DEAF1: variants seen among roughly 807,000 people sequenced by gnomAD.
The protein encoded by DEAF1 is DEAF1 transcription factor.
Under a neutral mutation model 58.9 loss-of-function variants are expected in DEAF1, and 53 were observed. That is an observed-to-expected ratio of 0.90 (90% CI 0.72 to 1.13). DEAF1 has a LOEUF of 1.13. Among genes scored for constraint, DEAF1 ranks in the 50% most tolerant of loss-of-function variants. The probability of loss-of-function intolerance (pLI) is 0.00; values close to 1 mark genes in which losing one functional copy is unlikely to be tolerated. For synonymous variants in DEAF1, 385 were observed against 340.4 expected (o/e 1.13, Z -1.44); for missense variants, 685 against 791.4 (o/e 0.87, Z 1.61).
At chr11:666,730 T>C (rs1447099440) in intron 10 of DEAF1, among the ~76,000 whole-genome samples, 1 of 151,380 alleles carries the variant, frequency 6.6e-6, no homozygotes, top group Non-Finnish European at 1.5e-5. Flanking sequence ...CAACAAAGTA[T>C]TAGCCAGGTG....
intron 1 of DEAF1, chr11:704,712 G>A (rs966314295): frequency 9.0e-6 from 11 of 1,218,568 alleles, no homozygotes; most frequent in South Asian, 3.9e-5. Flanking sequence ...CACAGGGAAC[G>A]CCATGGCTCC....
chr11:696,860 A>C (rs1861202476), upstream of DEAF1, among the ~76,000 whole-genome samples: 1 of 132,684 alleles, frequency 7.5e-6, no homozygotes, highest in Non-Finnish European at 1.6e-5. Flanking sequence ...CGGGCGGATC[A>C]CCTGAGGTCG....
intron 9 of DEAF1, among the ~76,000 whole-genome samples, chr11:675,924 CCCCCCAGCACCTGACAT>C (rs1325589795): frequency 9.3e-5 from 7 of 75,126 alleles, no homozygotes; most frequent in Non-Finnish European, 1.3e-4. Flanking sequence ...GCACCTGACA[CCCCCCAGCACCTGACAT>C]CCCCCAGCAC....
upstream of DEAF1, chr11:695,237 G>A: frequency 1.9e-6 from 1 of 528,340 alleles, no homozygotes; most frequent in Non-Finnish European, 3.0e-6. Flanking sequence ...GCGGAGCGGA[G>A]CCGAGGCGAA....
chr11:644,754 C>T lies in DEAF1; in HGVS notation c.1594-100G>A, dbSNP rs2133262537. ...CCCCAGAGGGTGCAGCCCTCTGTAA[C>T]CTCACCTGGAGGTGCTGAGAATGCC... On this transcript the variant is annotated intron_variant, in intron 11 of 11. Coordinates refer to ENST00000382409, the MANE Select transcript of DEAF1 (RefSeq NM_021008.4). This position sits in a 1 kb window ranked among gnomAD's most constrained non-coding sequence, Gnocchi z 4.3. The T allele has an allele frequency of 1.1e-6, 1 of 932,502 alleles. No homozygotes were observed. The highest frequency in any genetic ancestry group is 1.6e-5 in the African/African-American group (1 of 61,616). The allele number at this position is 932,502 out of a possible 1,614,324, so 57.8% of individuals were successfully genotyped here.
At chr11:652,089 C>T (rs1858800166) in intron 11 of DEAF1, among the ~76,000 whole-genome samples, 2 of 152,248 alleles carry the variant, frequency 1.3e-5, no homozygotes, top group Admixed American at 6.5e-5. Context: ...TAAGACCATA[C>T]GCTAGGCCCT....
chr11:654,055 CAAG>C lies in DEAF1; in HGVS notation c.1504-7_1504-5del, dbSNP rs759115752. Reference sequence around the variant, plus strand: ...GGCCGCAGTTAACGCAGGACTGCTGCAAGAAGGACACAACAGGCCAGTCAGTGA... The same window carrying C: ...GGCCGCAGTTAACGCAGGACTGCTGCAAGGACACAACAGGCCAGTCAGTGA... On this transcript the variant is annotated splice_polypyrimidine_tract_variant and splice_region_variant and intron_variant, in intron 10 of 11. Transcript: ENST00000382409. The C allele has an allele frequency of 1.8e-5, 29 of 1,612,330 alleles. No homozygotes were observed. Among genetic ancestry groups the C allele is most frequent in the South Asian group, 7.7e-5 (7 of 91,034 alleles).
intron 10 of DEAF1, among the ~76,000 whole-genome samples, chr11:669,141 T>C (rs1378819021): frequency 7.1e-6 from 1 of 141,724 alleles, no homozygotes; most frequent in Non-Finnish European, 1.6e-5. Flanking sequence ...TTTTTTTTTT[T>C]TTTTGTACAG....
chr11:693,077 C>T (rs568640582), intron 1 of DEAF1, among the ~76,000 whole-genome samples: 2 of 152,320 alleles, frequency 1.3e-5, no homozygotes, highest in South Asian at 4.1e-4. Flanking sequence ...AACCACTTGA[C>T]GTCAGCTGTT....
upstream of DEAF1, chr11:699,852 G>A (rs7480436): frequency 0.63 from 220,035 of 351,486 alleles, 69,947 homozygotes; most frequent in East Asian, 0.78. Flanking sequence ...TGTGGAGGCT[G>A]TCCCCTGACC....
chr11:703,541 C>G (rs1184574033), intron 1 of DEAF1: 1 of 1,234,756 alleles, frequency 8.1e-7, no homozygotes, highest in Non-Finnish European at 1.0e-6. Flanking sequence ...CATCCCCCAT[C>G]ACCCCCTAGT....
At chr11:691,862 C>T (rs1432913535) in intron 1 of DEAF1, among the ~76,000 whole-genome samples, 2 of 152,178 alleles carry the variant, frequency 1.3e-5, no homozygotes, top group Non-Finnish European at 2.9e-5. Context: ...ATACAACAAA[C>T]CCGCCACCCC....
chr11:651,887 A>G (rs536898386), intron 11 of DEAF1, among the ~76,000 whole-genome samples: 6 of 152,320 alleles, frequency 3.9e-5, no homozygotes, highest in Admixed American at 2.0e-4. Flanking sequence ...CTCCGTCTCA[A>G]AAACAAAAAC....
rs144509884 is a variant in DEAF1, at chr11:703,546, C to T, written c.-438+3026G>A. 65 of 1,234,298 alleles carry T rather than the reference C, an allele frequency of 5.3e-5. No individual in the cohort carries two copies. In the South Asian group the frequency reaches 5.3e-4, roughly 10 times the overall value. 76.5% of individuals were successfully genotyped at this position (1,234,298 alleles called of 1,614,324 possible). A position where few individuals can be genotyped will look rare whatever the true frequency, so the allele number is the denominator to read the frequency against. ...CATCTCACTGCATCCCCCATCACCCCCTAGTTCCCCAATGGTCCTAATTTG... is the reference window on the plus strand; with the variant it reads ...CATCTCACTGCATCCCCCATCACCCTCTAGTTCCCCAATGGTCCTAATTTG... On this transcript the variant is annotated intron_variant, in intron 1 of 11. Transcript: ENST00000683307.
intron 10 of DEAF1, among the ~76,000 whole-genome samples, chr11:665,073 C>T (rs1206851405): frequency 1.7e-5 from 2 of 115,038 alleles, no homozygotes; most frequent in East Asian, 2.8e-4. Context: ...GCGTCACACT[C>T]GGTCACTCTG....
chr11:700,212 C>T (rs536112009), upstream of DEAF1: 24 of 1,613,998 alleles, frequency 1.5e-5, no homozygotes, highest in African/African-American at 6.7e-5. Context: ...TTCCTCGCCA[C>T]GCTCCTGATG....
chr11:664,390 C>T (rs977359071), intron 10 of DEAF1, among the ~76,000 whole-genome samples: 6 of 152,120 alleles, frequency 3.9e-5, no homozygotes, highest in Admixed American at 2.6e-4. Flanking sequence ...GTATCACATT[C>T]GGAGCCTCTA....
Position 674,715 on chromosome 11 carries a change from C to G in DEAF1, c.1324G>C (p.Val442Leu), listed in dbSNP as rs376063833. The G allele has an allele frequency of 6.8e-6, 11 of 1,613,950 alleles. No homozygotes were observed. The highest frequency in any genetic ancestry group is 9.3e-6 in the Non-Finnish European group (11 of 1,180,034). ...GGCTCTGACAGCTCCAGCCCATTGA[C>G]CAACGCGGGAGGTGCCGCTTTGGTG... ...TPTKAAPPAL[V>L]NGLELSEPRS... is the part of the protein sequence containing the mutation. Residue 442 changes from valine (V) to leucine (L), a missense_variant, in exon 10 of 12, where the codon GTC becomes CTC. By Grantham distance (32) the Val-to-Leu change is conservative. Transcript: ENST00000382409.
At position 665,126 on chromosome 11, in the gene DEAF1, T is replaced by C. The variant is rs12797280; in HGVS notation, c.1503+9410A>G. Among the ~76,000 whole-genome samples, 153 of 112,470 alleles carry C rather than the reference T, an allele frequency of 1.4e-3. 2 individuals are homozygous for C. The highest frequency in any genetic ancestry group is 0.013 in the East Asian group (38 of 3,004). 73.8% of individuals were successfully genotyped at this position (112,470 alleles called of 152,430 possible). A position where few individuals can be genotyped will look rare whatever the true frequency, so the allele number is the denominator to read the frequency against. ...TCACACCGAGAGGAGGAGGACAGGG[T>C]GTCACACTCGGTCACTCTAAGTAAG... is the stretch of plus-strand genomic sequence containing the variant. On this transcript the variant is annotated intron_variant, in intron 10 of 11. Coordinates refer to ENST00000382409, the MANE Select transcript of DEAF1 (RefSeq NM_021008.4).
Sources: gnomAD v4.1 joint callset for allele counts (sites outside exome capture counted in the v4.1 genomes callset) on GRCh38, gnomAD v4.1.1 for gene constraint, Gnocchi (gnomAD v3.1) non-coding constraint, MANE v1.5 for transcripts, NCBI Gene and HGNC (gene_info 2026-07-23, HGNC 2026-07-21) for gene names.